The following MTUS2 variants were observed in gnomAD, a reference collection of about 807,000 sequenced individuals.
MTUS2 encodes microtubule associated scaffold protein 2, also known as microtubule-associated tumor suppressor candidate 2.
Under a neutral mutation model 114.1 loss-of-function variants are expected in MTUS2, and 40 were observed. The observed-to-expected ratio is 0.35, with a 90% confidence interval of 0.27 to 0.46. The LOEUF is 0.46. Ranked by LOEUF, MTUS2 falls within the 20% of genes least tolerant of loss-of-function variation. The probability of loss-of-function intolerance (pLI) is 1.00; values close to 1 mark genes in which losing one functional copy is unlikely to be tolerated. For synonymous variants in MTUS2, 688 were observed against 672.0 expected, an observed-to-expected ratio of 1.02 and a Z score of -0.37; for missense variants, 1,679 against 1,705.4, an observed-to-expected ratio of 0.98 and a Z score of 0.27.
In MTUS2 at chr13:28,851,450, A is replaced by G. The variant is rs139989936; in HGVS notation, c.-243+11600A>G. ...TTCAAAAACAAATCATCACATGTAT[A>G]TGCAAATAATTAAGAAAACATGTAC... is the stretch of plus-strand genomic sequence containing the variant. On this transcript the variant is annotated intron_variant, in intron 2 of 15. Coordinates refer to ENST00000612955, the MANE Select transcript of MTUS2 (RefSeq NM_001033602.4). Among the ~76,000 whole-genome samples the G allele has an allele frequency of 3.5e-3, 532 of 152,356 alleles. 4 individuals are homozygous for G. The highest frequency in any genetic ancestry group is 0.012 in the African/African-American group (504 of 41,586).
At chr13:29,282,626 A>C (rs1035793907) in intron 6 of MTUS2, among the ~76,000 whole-genome samples, 1 of 152,182 alleles carries the variant, frequency 6.6e-6, no homozygotes, top group African/African-American at 2.4e-5. Context: ...ACATTATAGA[A>C]GGCAAATTTA....
intron 1 of MTUS2, among the ~76,000 whole-genome samples, chr13:28,823,590 CT>C (rs1356409257): frequency 2.6e-5 from 4 of 152,338 alleles, no homozygotes; most frequent in African/African-American, 7.2e-5. Flanking sequence ...TCAGGCTCCC[CT>C]GAGCCCTCTT....
chr13:29,492,842 G>A (rs971984276), intron 12 of MTUS2, 123 bp downstream of exon 12: 3 of 744,720 alleles, frequency 4.0e-6, no homozygotes, highest in Non-Finnish European at 6.7e-6. Context: ...TAGAATATAA[G>A]GTAAATAAGT....
chr13:28,890,192 G>A (rs60853498), intron 2 of MTUS2, among the ~76,000 whole-genome samples: 3,519 of 152,170 alleles, frequency 0.023, 135 homozygotes, highest in African/African-American at 0.079. Context: ...AAGATGGCTC[G>A]GAAGGGACCT....
rs968509732 is a variant in MTUS2, at chr13:29,223,301, G to A, written c.2645-58403G>A. ...AATCCCTGGACTCAACCAGACTGGG[G>A]CAGGTGACAGGATGACCTGCCTGTG... is the stretch of plus-strand genomic sequence containing the variant. On this transcript the variant is annotated intron_variant, in intron 5 of 15. Coordinates refer to ENST00000612955, the MANE Select transcript of MTUS2 (RefSeq NM_001033602.4). Among the ~76,000 whole-genome samples, 3 of 152,148 alleles carry A rather than the reference G, an allele frequency of 2.0e-5. No homozygotes were observed. The South Asian group carries it at 6.2e-4, about 32-fold the overall frequency.
intron 5 of MTUS2, among the ~76,000 whole-genome samples, chr13:29,212,239 TAGGGACCTCTC>T (rs576386934): frequency 1.6e-4 from 25 of 152,310 alleles, no homozygotes; most frequent in African/African-American, 6.0e-4. Flanking sequence ...TGCACATATT[TAGGGACCTCTC>T]AGGGATCTTT....
intron 7 of MTUS2, among the ~76,000 whole-genome samples, chr13:29,332,994 C>G (rs1032348013): frequency 3.3e-5 from 5 of 152,078 alleles, no homozygotes; most frequent in African/African-American, 1.2e-4. Context: ...CCCGCTTTCT[C>G]CTGTGGGCAT....
intron 5 of MTUS2, among the ~76,000 whole-genome samples, chr13:29,138,856 G>A (rs1471579045): frequency 2.0e-5 from 3 of 152,096 alleles, no homozygotes; most frequent in Admixed American, 6.5e-5. Flanking sequence ...TTTAGAATAA[G>A]TTGAGTGAAA....
chr13:29,469,079 C>G (rs1215973275), intron 9 of MTUS2, among the ~76,000 whole-genome samples: 1 of 152,154 alleles, frequency 6.6e-6, no homozygotes, highest in African/African-American at 2.4e-5. Flanking sequence ...ACTGAAGGTG[C>G]CCAACCTCCT....
intron 6 of MTUS2, among the ~76,000 whole-genome samples, chr13:29,310,945 A>G (rs966654484): frequency 6.6e-6 from 1 of 152,246 alleles, no homozygotes; most frequent in Non-Finnish European, 1.5e-5. Context: ...AGCATTGTTC[A>G]TAATGGCCAA....
chr13:29,152,088 G>C (rs372138779), intron 5 of MTUS2, among the ~76,000 whole-genome samples: 7 of 151,910 alleles, frequency 4.6e-5, no homozygotes, highest in Non-Finnish European at 8.8e-5. Flanking sequence ...TTTTTTTTGG[G>C]GGGGAATAGT....
chr13:29,457,388 G>A (rs1364547522), intron 9 of MTUS2, among the ~76,000 whole-genome samples: 2 of 145,572 alleles, frequency 1.4e-5, no homozygotes, highest in Non-Finnish European at 3.1e-5. Context: ...GATTTCATAT[G>A]GATAGTATAT....
chr13:29,116,004 G>A (rs1249102054), intron 5 of MTUS2, among the ~76,000 whole-genome samples: 1 of 152,182 alleles, frequency 6.6e-6, no homozygotes, highest in African/African-American at 2.4e-5. Context: ...TTGTTGCTGA[G>A]TCTTTACTGT....
At chr13:28,858,550 C>T (rs1876776538) in intron 2 of MTUS2, among the ~76,000 whole-genome samples, 1 of 152,122 alleles carries the variant, frequency 6.6e-6, no homozygotes, top group Non-Finnish European at 1.5e-5. Flanking sequence ...TGAAGGTTTG[C>T]TGCATTGGAA....
At chr13:28,963,397 A>C (rs1883426320) in intron 2 of MTUS2, among the ~76,000 whole-genome samples, 1 of 152,216 alleles carries the variant, frequency 6.6e-6, no homozygotes, top group South Asian at 2.1e-4. Flanking sequence ...GAGTATCTGC[A>C]TATGTGTAAA....
At chr13:29,196,773 A>G (rs1184282485) in intron 5 of MTUS2, among the ~76,000 whole-genome samples, 1 of 152,224 alleles carries the variant, frequency 6.6e-6, no homozygotes, top group Non-Finnish European at 1.5e-5. Context: ...ACTGCAGCAT[A>G]TGGCAAAATT....
At chr13:29,132,974 A>G (rs1439784759) in intron 5 of MTUS2, among the ~76,000 whole-genome samples, 1 of 150,348 alleles carries the variant, frequency 6.7e-6, no homozygotes, top group African/African-American at 2.4e-5. Context: ...TTACATTTTC[A>G]CAAGTGCACA....
At chr13:29,036,167 T>TG (rs1336483128) in intron 4 of MTUS2, among the ~76,000 whole-genome samples, 1 of 139,570 alleles carries the variant, frequency 7.2e-6, no homozygotes, top group Non-Finnish European at 1.5e-5. Flanking sequence ...GAAAGAAAAA[T>TG]AAAAGAAAAA....
intron 5 of MTUS2, among the ~76,000 whole-genome samples, chr13:29,196,372 C>T (rs561377010): frequency 6.4e-4 from 98 of 152,168 alleles, no homozygotes; most frequent in African/African-American, 2.3e-3. Context: ...GAAAAATGTG[C>T]AGACCTACAT....
Sources: allele counts gnomAD v4.1 joint callset (sites outside exome capture counted in the v4.1 genomes callset), GRCh38; gene constraint gnomAD v4.1.1; transcripts MANE v1.5; gene names NCBI Gene and HGNC (gene_info 2026-07-23, HGNC 2026-07-21).